CUL5: variants seen among roughly 807,000 people sequenced by gnomAD.
CUL5 encodes the protein cullin-5.
Under a neutral mutation model 108.8 loss-of-function variants are expected in CUL5, and 26 were observed. That is an observed-to-expected ratio of 0.24 (90% CI 0.18 to 0.33). The LOEUF is 0.33. Ranked by LOEUF, CUL5 falls within the 10% of genes least tolerant of loss-of-function variation. The pLI, the probability that CUL5 is intolerant of heterozygous loss-of-function variation, is 1.00. For synonymous variants in CUL5, 334 were observed against 298.0 expected (o/e 1.12, Z -1.25); for missense variants, 524 against 909.2 (o/e 0.58, Z 5.45).
chr11:108,047,998 T>G (rs1354227425), intron 3 of CUL5, among the ~76,000 whole-genome samples: 1 of 152,144 alleles, frequency 6.6e-6, no homozygotes, highest in Non-Finnish European at 1.5e-5. Flanking sequence ...AATGTAGACC[T>G]CAGCAAGAAC....
At chr11:108,013,504 T>C (rs1255527595) in intron 1 of CUL5, among the ~76,000 whole-genome samples, 1 of 152,174 alleles carries the variant, frequency 6.6e-6, no homozygotes, top group Non-Finnish European at 1.5e-5. Context: ...CTCTCATACA[T>C]GTGTGCGTAC....
At chr11:108,045,764 G>A (rs1050839960) in intron 2 of CUL5, among the ~76,000 whole-genome samples, 2 of 152,184 alleles carry the variant, frequency 1.3e-5, no homozygotes, top group African/African-American at 4.8e-5. Context: ...GAAGGCTGAG[G>A]AGGGAGGATC....
At chr11:108,089,752 C>T in intron 13 of CUL5, 129 bp downstream of exon 13, 1 of 544,880 alleles carries the variant, frequency 1.8e-6, no homozygotes, top group Non-Finnish European at 2.9e-6. Flanking sequence ...AATATAGCGT[C>T]AGTTAGGCCG....
chr11:108,073,725 C>G lies in CUL5; in HGVS notation c.1113+228C>G, dbSNP rs1052752780. On this transcript the variant is annotated intron_variant, in intron 10 of 18. Coordinates refer to ENST00000393094, the MANE Select transcript of CUL5 (RefSeq NM_003478.6). ...AATTTAGTTAGAAAGTTGCTTTTTT[C>G]TCATTTTTCCAAGAATGTTTTTCTG... is the stretch of plus-strand genomic sequence containing the variant. 2.9e-5 allele frequency: 8 copies of G among 272,386 alleles called. No individual in the cohort carries two copies. In the Admixed American group the frequency reaches 3.6e-4, roughly 12 times the overall value. The allele number at this position is 272,386 out of a possible 1,614,324, so 16.9% of individuals were successfully genotyped here.
intron 16 of CUL5, among the ~76,000 whole-genome samples, chr11:108,096,336 A>C (rs1351708803): frequency 6.6e-6 from 1 of 150,998 alleles, no homozygotes; most frequent in Non-Finnish European, 1.5e-5. Flanking sequence ...TCTAAAAAAA[A>C]AAAAAAAAAA....
chr11:108,039,899 C>T (rs1003096391), intron 2 of CUL5, among the ~76,000 whole-genome samples: 2 of 151,978 alleles, frequency 1.3e-5, no homozygotes, highest in Admixed American at 1.3e-4. Context: ...TAGTGGTTGC[C>T]TTCGTGTTTC....
At chr11:108,097,451 A>T (rs1864529998) in intron 16 of CUL5, among the ~76,000 whole-genome samples, 185 bp from the exon 17 acceptor site, 2 of 152,186 alleles carry the variant, frequency 1.3e-5, no homozygotes, top group African/African-American at 4.8e-5. Flanking sequence ...GCTTTCTCAT[A>T]ACCAACTCTT....
intron 12 of CUL5, among the ~76,000 whole-genome samples, 199 bp from the exon 13 acceptor site, chr11:108,089,293 T>C (rs1274641846): frequency 1.3e-5 from 2 of 152,190 alleles, no homozygotes; most frequent in Non-Finnish European, 2.9e-5. Context: ...AACAATTTGG[T>C]TATAGTCTCA....
At position 108,014,899 on chromosome 11, in the gene CUL5, A is replaced by T. The variant is rs555239448; in HGVS notation, c.24+5527A>T. On this transcript the variant is annotated intron_variant, in intron 1 of 18. Coordinates refer to ENST00000393094, the MANE Select transcript of CUL5 (RefSeq NM_003478.6). ...GCTCGGTGCTCTTATTATTATTATTATTTTTATTTTTATTTTTGAGACGGG... is the reference window on the plus strand; with the variant it reads ...GCTCGGTGCTCTTATTATTATTATTTTTTTTATTTTTATTTTTGAGACGGG... Among the ~76,000 whole-genome samples, 308 of 150,610 alleles carry T rather than the reference A, an allele frequency of 2.0e-3. 3 individuals carry two copies. The highest frequency in any genetic ancestry group is 8.3e-3 in the Admixed American group (126 of 15,140).
At chr11:108,056,618 C>T (rs1325746080) in intron 7 of CUL5, among the ~76,000 whole-genome samples, 1 of 152,050 alleles carries the variant, frequency 6.6e-6, no homozygotes, top group Admixed American at 6.6e-5. Flanking sequence ...GCCGGGAAGG[C>T]TGTTGACTTT....
Position 108,070,111 on chromosome 11 carries a change from G to A in CUL5, c.796G>A (p.Val266Ile). 6.2e-7 allele frequency: 1 copy of A among 1,609,838 alleles called. No homozygotes were observed. Among genetic ancestry groups the A allele is most frequent in the South Asian group, 1.1e-5 (1 of 90,498 alleles). The change falls in exon 8 of 19, where the codon GTA becomes ATA. Residue 266 changes from valine (V) to isoleucine (I), a missense_variant. Val to Ile is a conservative substitution (Grantham distance 29). Around this residue, in one of 8 missense-constraint regions of CUL5, gnomAD observed 170 missense variants for 305.1 expected, o/e 0.56. Transcript: ENST00000393094. The stretch of plus-strand genomic sequence containing the variant: ...TATATTTCAGCTCATGGAATGCTGT[G>A]TAAATGCCCTGGTGACATCATTTAA... ...NSVEALMECC[V>I]NALVTSFKET...
At chr11:108,095,369 G>C (rs375207902) in intron 15 of CUL5, among the ~76,000 whole-genome samples, 161 bp from the exon 16 acceptor site, 2 of 152,216 alleles carry the variant, frequency 1.3e-5, no homozygotes, top group Non-Finnish European at 2.9e-5. Flanking sequence ...GGAGATGAGC[G>C]TGTATTCTGG....
chr11:108,067,816 A>T (rs1365808904), intron 7 of CUL5, among the ~76,000 whole-genome samples: 2 of 152,190 alleles, frequency 1.3e-5, no homozygotes, highest in South Asian at 4.1e-4. Context: ...AGTTGGGCCT[A>T]TTCCAGTGAT....
intron 11 of CUL5, 82 bp from the exon 12 acceptor site, chr11:108,088,445 G>T (rs1864274685): frequency 4.4e-6 from 6 of 1,378,772 alleles, no homozygotes; most frequent in South Asian, 1.4e-5. Flanking sequence ...TGAGAAATTC[G>T]CTTGTGAATC....
intron 2 of CUL5, among the ~76,000 whole-genome samples, chr11:108,037,648 A>G (rs1862781100): frequency 6.6e-6 from 1 of 152,212 alleles, no homozygotes; most frequent in Non-Finnish European, 1.5e-5. Flanking sequence ...AATATTGTCT[A>G]CCAGGGAAGC....
intron 18 of CUL5, among the ~76,000 whole-genome samples, chr11:108,103,919 A>G (rs948427508): frequency 1.3e-5 from 2 of 152,160 alleles, no homozygotes; most frequent in African/African-American, 2.4e-5. Flanking sequence ...TCAACCCGTC[A>G]TCTACATGAG....
At chr11:108,101,538 C>T (rs1864667546) in intron 18 of CUL5, among the ~76,000 whole-genome samples, 1 of 152,202 alleles carries the variant, frequency 6.6e-6, no homozygotes, top group Non-Finnish European at 1.5e-5. Context: ...GCTCCTTGGC[C>T]TACATGGCAC....
chr11:108,028,339 C>T (rs543408361), intron 1 of CUL5, among the ~76,000 whole-genome samples: 34 of 152,270 alleles, frequency 2.2e-4, no homozygotes, highest in African/African-American at 7.9e-4. Context: ...TCTCATATCT[C>T]AGATGCTTAC....
Position 108,021,277 on chromosome 11 carries a change from A to G in CUL5, c.24+11905A>G, listed in dbSNP as rs564774449. ...GAACTTCACAAATCTTAAAACAACT[A>G]AACTGGTTGTGTGGTGTTCAAAATG... On this transcript the variant is annotated intron_variant, in intron 1 of 18. Transcript: ENST00000393094. Among the ~76,000 whole-genome samples, 3 of 152,264 alleles carry G rather than the reference A, an allele frequency of 2.0e-5. No homozygotes were observed. In the East Asian group the frequency reaches 5.8e-4, roughly 29 times the overall value.
Sources: allele counts gnomAD v4.1 joint callset (sites outside exome capture counted in the v4.1 genomes callset), GRCh38; gene constraint gnomAD v4.1.1; regional missense constraint gnomAD v4.1.1; transcripts MANE v1.5; gene names NCBI Gene and HGNC (gene_info 2026-07-23, HGNC 2026-07-21).